SPATA16: variants seen among roughly 807,000 people sequenced by gnomAD.
SPATA16 encodes the protein spermatogenesis-associated protein 16.
In SPATA16, 36 loss-of-function variants were observed where a neutral mutation model predicts 63.3. The ratio of observed to expected loss-of-function variants is 0.57; its 90% CI spans 0.44 to 0.75. The LOEUF (loss-of-function observed/expected upper bound fraction) is 0.75. Among genes scored for constraint, SPATA16 ranks in the 30% least tolerant of loss-of-function variants. The pLI is 0.00. For synonymous variants in SPATA16, 203 were observed against 216.7 expected (o/e 0.94, Z 0.56); for missense variants, 646 against 679.3 (o/e 0.95, Z 0.54).
chr3:173,054,715 A>G (rs1736176418), intron 2 of SPATA16, among the ~76,000 whole-genome samples: 1 of 152,198 alleles, frequency 6.6e-6, no homozygotes, highest in South Asian at 2.1e-4. Context: ...TACGTATGCA[A>G]CAAACCTGTA....
chr3:173,077,070 G>A (rs1196548488), intron 2 of SPATA16, among the ~76,000 whole-genome samples: 1 of 152,146 alleles, frequency 6.6e-6, no homozygotes, highest in Admixed American at 6.6e-5. Flanking sequence ...TGGGTGGCCA[G>A]TCTCCCATAT....
chr3:172,955,644 G>C (rs1267102946), intron 6 of SPATA16, among the ~76,000 whole-genome samples: 1 of 152,038 alleles, frequency 6.6e-6, no homozygotes, highest in Non-Finnish European at 1.5e-5. Context: ...TGAAGAGCGT[G>C]AGGGAATGTG....
chr3:173,077,133 A>G (rs1168674776), intron 2 of SPATA16, among the ~76,000 whole-genome samples: 1 of 152,200 alleles, frequency 6.6e-6, no homozygotes, highest in African/African-American at 2.4e-5. Flanking sequence ...TCAATATCAT[A>G]TGGCTCATAA....
chr3:172,916,224 C>T (rs1732480439), intron 9 of SPATA16, 93 bp downstream of exon 9: 1 of 1,437,820 alleles, frequency 7.0e-7, no homozygotes, highest in Non-Finnish European at 9.6e-7. Flanking sequence ...ACATTTATTA[C>T]CACAGGATTT....
chr3:172,905,443 G>C (rs993642910), intron 10 of SPATA16, among the ~76,000 whole-genome samples: 9 of 152,274 alleles, frequency 5.9e-5, no homozygotes, highest in African/African-American at 2.2e-4. Context: ...AAGGATTTGG[G>C]CTTAAATGCT....
chr3:173,060,702 T>C (rs1355402583), intron 2 of SPATA16, among the ~76,000 whole-genome samples: 1 of 152,318 alleles, frequency 6.6e-6, no homozygotes, highest in Non-Finnish European at 1.5e-5. Context: ...TTGCCCCCAT[T>C]GATAGCAGAT....
chr3:172,931,782 C>T (rs1403106021), intron 6 of SPATA16, among the ~76,000 whole-genome samples: 1 of 152,082 alleles, frequency 6.6e-6, no homozygotes, highest in Admixed American at 6.5e-5. Flanking sequence ...TGCCTAAACC[C>T]CAAATGGGTT....
intron 10 of SPATA16, among the ~76,000 whole-genome samples, chr3:172,897,760 C>T (rs1388601042): frequency 6.6e-6 from 1 of 151,936 alleles, no homozygotes; most frequent in Non-Finnish European, 1.5e-5. Flanking sequence ...CTTTTTGTGC[C>T]TTAATGCAGT....
chr3:172,993,613 T>A (rs1262399536), intron 4 of SPATA16, among the ~76,000 whole-genome samples: 8 of 152,310 alleles, frequency 5.3e-5, no homozygotes, highest in East Asian at 1.9e-4. Context: ...CTGATTATAA[T>A]CTTCCTGTGG....
At chr3:173,083,598 T>C (rs1359498972) in intron 2 of SPATA16, among the ~76,000 whole-genome samples, 1 of 152,074 alleles carries the variant, frequency 6.6e-6, no homozygotes, top group South Asian at 2.1e-4. Flanking sequence ...ATCTCCTAGG[T>C]ATTAAGTCCA....
chr3:172,991,342 C>A (rs1734573638), intron 4 of SPATA16, among the ~76,000 whole-genome samples: 1 of 152,160 alleles, frequency 6.6e-6, no homozygotes, highest in Admixed American at 6.6e-5. Flanking sequence ...GGGCAGAAAT[C>A]TCATTTTCTT....
intron 4 of SPATA16, among the ~76,000 whole-genome samples, chr3:173,002,844 T>C (rs1307356646): frequency 1.3e-5 from 2 of 152,216 alleles, no homozygotes; most frequent in African/African-American, 4.8e-5. Context: ...GTCAAAATAA[T>C]TGGTTATCCA....
At chr3:172,974,081 T>A (rs984471414) in intron 5 of SPATA16, among the ~76,000 whole-genome samples, 1 of 152,172 alleles carries the variant, frequency 6.6e-6, no homozygotes, top group African/African-American at 2.4e-5. Context: ...ATATGAAAAA[T>A]GTTCCTAATG....
At chr3:172,902,650 A>G (rs2109548632) in intron 10 of SPATA16, among the ~76,000 whole-genome samples, 1 of 152,266 alleles carries the variant, frequency 6.6e-6, no homozygotes, top group East Asian at 1.9e-4. Flanking sequence ...TTCTACATCT[A>G]AGTTAGGGTC....
intron 1 of SPATA16, among the ~76,000 whole-genome samples, chr3:173,133,185 G>A (rs1318754077): frequency 3.9e-5 from 6 of 152,162 alleles, no homozygotes; most frequent in Non-Finnish European, 8.8e-5. Context: ...CCATCACTCT[G>A]TATTGTGATA....
At chr3:172,998,234 A>G (rs939009484) in intron 4 of SPATA16, among the ~76,000 whole-genome samples, 6 of 152,112 alleles carry the variant, frequency 3.9e-5, no homozygotes, top group African/African-American at 1.4e-4. Flanking sequence ...AGTTTTTCTC[A>G]TATAGATCTT....
intron 3 of SPATA16, among the ~76,000 whole-genome samples, chr3:173,022,271 G>A (rs1735351022): frequency 6.6e-6 from 1 of 152,144 alleles, no homozygotes. Flanking sequence ...AATCACTATT[G>A]CTAGACGGAC....
intron 3 of SPATA16, among the ~76,000 whole-genome samples, chr3:173,042,161 C>T (rs1272619423): frequency 6.6e-6 from 1 of 151,996 alleles, no homozygotes; most frequent in Non-Finnish European, 1.5e-5. Context: ...TTTTCATAGA[C>T]GATTTCCAAT....
intron 3 of SPATA16, among the ~76,000 whole-genome samples, chr3:173,029,861 T>C (rs1390935765): frequency 6.6e-6 from 1 of 152,068 alleles, no homozygotes; most frequent in African/African-American, 2.4e-5. Context: ...TACTGCAGCC[T>C]CAACCTTAGT....
Sources: allele counts gnomAD v4.1 joint callset (sites outside exome capture counted in the v4.1 genomes callset), GRCh38; gene constraint gnomAD v4.1.1; transcripts MANE v1.5; gene names NCBI Gene and HGNC (gene_info 2026-07-23, HGNC 2026-07-21).